PSMC1: variants seen among roughly 807,000 people sequenced by gnomAD.
PSMC1 encodes 26S proteasome regulatory subunit 4.
A neutral mutation model predicts 49.8 loss-of-function variants in PSMC1; 5 were observed. The ratio of observed to expected loss-of-function variants is 0.10; its 90% CI spans 0.05 to 0.21. The LOEUF is 0.21. Among genes scored for constraint, PSMC1 ranks in the 10% least tolerant of loss-of-function variants. The pLI is 1.00. For missense variants in PSMC1, 181 were observed against 535.7 expected (o/e 0.34, Z 6.54); for synonymous variants, 155 against 192.1 (o/e 0.81, Z 1.60).
In PSMC1 at chr14:90,273,277, T is replaced by C. The variant is rs1229203081; in HGVS notation, c.*870T>C. On this transcript the variant is annotated 3_prime_UTR_variant, in exon 11 of 11. Coordinates refer to ENST00000261303, the MANE Select transcript of PSMC1 (RefSeq NM_002802.3). ...GGCTTTGTTTAAAAACAGCACAATT[T>C]GGCCAGGCACGGTGGCTCACGCCTG... 1 of 152,074 alleles carries C rather than the reference T, an allele frequency of 6.6e-6. No homozygotes were observed. Among genetic ancestry groups the C allele is most frequent in the Non-Finnish European group, 1.5e-5 (1 of 68,020 alleles). The allele number at this position is 152,074 out of a possible 1,614,324, so 9.4% of individuals were successfully genotyped here.
chr14:90,270,370 T>A lies in PSMC1; in HGVS notation c.1188+18T>A. The A allele has an allele frequency of 1.2e-6, 2 of 1,604,774 alleles. No individual in the cohort carries two copies. The highest frequency in any genetic ancestry group is 1.7e-6 in the Non-Finnish European group (2 of 1,175,558). On this transcript the variant is annotated intron_variant, in intron 10 of 10. Coordinates refer to ENST00000261303, the MANE Select transcript of PSMC1 (RefSeq NM_002802.3). ...ACATCAAGGTGAGAGCCTAGCCGTGTCAGCTTATTTCTGGGAATGTGGCCG... is the reference window on the plus strand; with the variant it reads ...ACATCAAGGTGAGAGCCTAGCCGTGACAGCTTATTTCTGGGAATGTGGCCG...
chr14:90,270,377 A>G (rs2139652048), intron 10 of PSMC1, 25 bp downstream of exon 10: 1 of 1,602,212 alleles, frequency 6.2e-7, no homozygotes, highest in Non-Finnish European at 8.5e-7. Flanking sequence ...GTGTCAGCTT[A>G]TTTCTGGGAA....
Position 90,272,624 on chromosome 14 carries a change from C to A in PSMC1, c.*217C>A. On this transcript the variant is annotated 3_prime_UTR_variant, in exon 11 of 11. Transcript: ENST00000261303. This position sits in a 1 kb window ranked among gnomAD's most constrained non-coding sequence, Gnocchi z 4.5. ...CCAATAAAGCGTGCTCTTTCACAAACACTTCCTGTTTCTGCAGTCTCCACA... is the reference window on the plus strand; with the variant it reads ...CCAATAAAGCGTGCTCTTTCACAAAAACTTCCTGTTTCTGCAGTCTCCACA... 1 of 454,384 alleles carries A rather than the reference C, an allele frequency of 2.2e-6. No homozygotes were observed. The highest frequency in any genetic ancestry group is 4.1e-6 in the Non-Finnish European group (1 of 246,202). The allele number at this position is 454,384 out of a possible 1,614,324, so 28.1% of individuals were successfully genotyped here.
In PSMC1 at chr14:90,270,028, A is replaced by C. The variant is rs1019354124; in HGVS notation, c.1034-170A>C. 3 of 656,798 alleles carry C rather than the reference A, an allele frequency of 4.6e-6. No homozygotes were observed. In the African/African-American group the frequency reaches 5.5e-5, roughly 12 times the overall value. 40.7% of individuals were successfully genotyped at this position (656,798 alleles called of 1,614,324 possible). A position where few individuals can be genotyped will look rare whatever the true frequency, so the allele number is the denominator to read the frequency against. ...TAAATGAAGAGAATTCAAATGTAGA[A>C]ATCTACAAACTACAAAAATATATGT... On this transcript the variant is annotated intron_variant, in intron 9 of 10. Transcript: ENST00000261303.
In PSMC1 at chr14:90,270,244, G is replaced by A. The variant is rs781271442; in HGVS notation, c.1080G>A (p.Thr360=). ...KIEFPLPDEK[T]KKRIFQIHTS... ...AGTTCCCCCTGCCTGATGAAAAGAC[G>A]AAGAAGCGCATCTTTCAGATTCACA... Residue 360 remains threonine (T), a synonymous_variant, in exon 10 of 11, where the codon ACG becomes ACA. Transcript: ENST00000261303. 62 of 1,613,550 alleles carry A rather than the reference G, an allele frequency of 3.8e-5. No homozygotes were observed. In the South Asian group the frequency reaches 4.2e-4, roughly 11 times the overall value.
intron 3 of PSMC1, 152 bp from the exon 4 acceptor site, chr14:90,263,166 C>G (rs561648396): frequency 1.4e-6 from 1 of 710,302 alleles, no homozygotes; most frequent in East Asian, 3.3e-5. Context: ...ACTCCCCTTT[C>G]CATTTTGGCA....
Position 90,274,411 on chromosome 14 carries a change from G to C in PSMC1, c.*2004G>C, listed in dbSNP as rs1047803939. On this transcript the variant is annotated 3_prime_UTR_variant, in exon 11 of 11. Coordinates refer to ENST00000261303, the MANE Select transcript of PSMC1 (RefSeq NM_002802.3). Reference sequence around the variant, plus strand: ...CAGTCAGGCAGGTAAACAGGACAGTGGGAGCCAGGTTTCTCTGAGGAGTTA... The same window carrying C: ...CAGTCAGGCAGGTAAACAGGACAGTCGGAGCCAGGTTTCTCTGAGGAGTTA... 6.5e-6 allele frequency: 1 copy of C among 153,970 alleles called. No individual in the cohort carries two copies. The highest frequency in any genetic ancestry group is 1.9e-4 in the East Asian group (1 of 5,190). The allele number at this position is 153,970 out of a possible 1,614,324, so 9.5% of individuals were successfully genotyped here.
At chr14:90,256,808 A>G (rs3825662) in intron 1 of PSMC1, among the ~76,000 whole-genome samples, 83,678 of 151,788 alleles carry the variant, frequency 0.55, 23,722 homozygotes, top group Middle Eastern at 0.72. Flanking sequence ...TTGCCCGGGG[A>G]TCCTGGGGCC....
At chr14:90,264,880 G>A (rs533485689) in intron 6 of PSMC1, among the ~76,000 whole-genome samples, 190 bp from the exon 7 acceptor site, 23 of 152,262 alleles carry the variant, frequency 1.5e-4, no homozygotes, top group African/African-American at 4.1e-4. Flanking sequence ...AACGGGTGCG[G>A]GGAACTCAAG....
chr14:90,258,190 G>T (rs1049934092), intron 1 of PSMC1, among the ~76,000 whole-genome samples: 1 of 152,172 alleles, frequency 6.6e-6, no homozygotes, highest in Non-Finnish European at 1.5e-5. Context: ...CTGGGCCTTG[G>T]TCTTCTTATC....
chr14:90,271,028 A>G lies in PSMC1; in HGVS notation c.1188+676A>G, dbSNP rs951684283. 2.7e-5 allele frequency: 4 copies of G among 149,818 alleles called. No individual in the cohort carries two copies. In the East Asian group the frequency reaches 8.0e-4, roughly 30 times the overall value. The allele number at this position is 149,818 out of a possible 1,614,324, so 9.3% of individuals were successfully genotyped here. On this transcript the variant is annotated intron_variant, in intron 10 of 10. Transcript: ENST00000261303. ...ATGTCTCTGTTGGCAAGTAAAATCT[A>G]TCTTCTTTTTTAAAAATTGAAAGAT...
chr14:90,260,506 C>T (rs1030255488), intron 3 of PSMC1, among the ~76,000 whole-genome samples: 8 of 152,106 alleles, frequency 5.3e-5, no homozygotes, highest in Non-Finnish European at 7.4e-5. Flanking sequence ...CCGAGGCGGG[C>T]GGATCACAAG....
chr14:90,264,677 C>A (rs573287799), intron 6 of PSMC1, among the ~76,000 whole-genome samples: 1 of 152,296 alleles, frequency 6.6e-6, no homozygotes, highest in East Asian at 1.9e-4. Flanking sequence ...TGCTAGGGAC[C>A]TCTGAGGCAG....
chr14:90,273,730 T>G lies in PSMC1; in HGVS notation c.*1323T>G, dbSNP rs2139655683. On this transcript the variant is annotated 3_prime_UTR_variant, in exon 11 of 11. Coordinates refer to ENST00000261303, the MANE Select transcript of PSMC1 (RefSeq NM_002802.3). ...GAGGATTATTGTTGGCAGAATTTAA[T>G]TTCTTGGAGTTGTGGGCCAGCTGAG... 6.5e-6 allele frequency: 1 copy of G among 154,694 alleles called. No individual in the cohort carries two copies. Among genetic ancestry groups the G allele is most frequent in the South Asian group, 2.0e-4 (1 of 4,922 alleles). The allele number at this position is 154,694 out of a possible 1,614,324, so 9.6% of individuals were successfully genotyped here. A position where few individuals can be genotyped will look rare whatever the true frequency, so the allele number is the denominator to read the frequency against.
At chr14:90,256,977 T>G (rs1019734889) in intron 1 of PSMC1, among the ~76,000 whole-genome samples, 3 of 151,782 alleles carry the variant, frequency 2.0e-5, no homozygotes, top group African/African-American at 7.3e-5. Flanking sequence ...GCTTTTTGAG[T>G]CGGGCAGGTG....
chr14:90,263,426 T>C lies in PSMC1; in HGVS notation c.263T>C (p.Leu88Ser). 1.3e-6 allele frequency: 2 copies of C among 1,579,712 alleles called. No homozygotes were observed. Among genetic ancestry groups the C allele is most frequent in the Non-Finnish European group, 1.7e-6 (2 of 1,168,004 alleles). ...AGAAATCAGGAACAAATGAAACCAT[T>C]AGAAGAAAAGCAAGAGGTAAGTTGA... ...FIRNQEQMKP[L>S]EEKQEEERSK... The change falls in exon 4 of 11, where the codon TTA becomes TCA. Residue 88 changes from leucine (L) to serine (S), a missense_variant. By Grantham distance (145) the Leu-to-Ser change is moderately radical (BLOSUM62 -2). This residue lies in a region of PSMC1 where 121 missense variants were observed against 358.6 expected (regional missense o/e 0.34). Coordinates refer to ENST00000261303, the MANE Select transcript of PSMC1 (RefSeq NM_002802.3).
At chr14:90,271,652 A>G (rs987072581) in intron 10 of PSMC1, 3 of 152,102 alleles carry the variant, frequency 2.0e-5, no homozygotes, top group African/African-American at 7.2e-5. Context: ...TCCTAGGAAT[A>G]TTATTCTCTT....
Position 90,263,253 on chromosome 14 carries a change from A to G in PSMC1, c.155-65A>G, listed in dbSNP as rs973171188. The G allele has an allele frequency of 5.4e-6, 8 of 1,485,806 alleles. No individual in the cohort carries two copies. The East Asian group carries it at 1.4e-4, about 26-fold the overall frequency. 92.0% of individuals were successfully genotyped at this position (1,485,806 alleles called of 1,614,324 possible). ...AAAATGAGCGTATTTTAAAATCTTAATATTTTTTCCTTACTTGCAAACTTC... is the reference window on the plus strand; with the variant it reads ...AAAATGAGCGTATTTTAAAATCTTAGTATTTTTTCCTTACTTGCAAACTTC... On this transcript the variant is annotated intron_variant, in intron 3 of 10. Coordinates refer to ENST00000261303, the MANE Select transcript of PSMC1 (RefSeq NM_002802.3).
In PSMC1 at chr14:90,264,026, G is replaced by C. The variant is rs908632228; in HGVS notation, c.466-15G>C. ...ACCTCACGTTCCTGTGTTAAACCTTGATGTTTCCTGTTAGGTGCATGCCGT... is the reference window on the plus strand; with the variant it reads ...ACCTCACGTTCCTGTGTTAAACCTTCATGTTTCCTGTTAGGTGCATGCCGT... On this transcript the variant is annotated splice_polypyrimidine_tract_variant and intron_variant, in intron 5 of 10. Coordinates refer to ENST00000261303, the MANE Select transcript of PSMC1 (RefSeq NM_002802.3). 6.2e-7 allele frequency: 1 copy of C among 1,603,278 alleles called. No individual in the cohort carries two copies. The highest frequency in any genetic ancestry group is 8.5e-7 in the Non-Finnish European group (1 of 1,175,952).
Sources: gnomAD v4.1 joint callset for allele counts (sites outside exome capture counted in the v4.1 genomes callset) on GRCh38, gnomAD v4.1.1 for gene constraint, gnomAD v4.1.1 regional missense constraint, Gnocchi (gnomAD v3.1) non-coding constraint, MANE v1.5 for transcripts, NCBI Gene and HGNC (gene_info 2026-07-23, HGNC 2026-07-21) for gene names.